The following MTFR1 variants were observed in gnomAD, a reference collection of about 807,000 sequenced individuals.
MTFR1 encodes the protein chondrocyte protein with a poly-proline region.
A neutral mutation model predicts 38.8 loss-of-function variants in MTFR1; 28 were observed. That is an observed-to-expected ratio of 0.72 (90% CI 0.53 to 0.99). The LOEUF (loss-of-function observed/expected upper bound fraction) is 0.99. MTFR1 is among the 50% of genes least tolerant of loss of function. The pLI, the probability that MTFR1 is intolerant of heterozygous loss-of-function variation, is 0.00. For synonymous variants in MTFR1, 145 were observed against 137.0 expected, an observed-to-expected ratio of 1.06 and a Z score of -0.41; for missense variants, 358 against 395.5, an observed-to-expected ratio of 0.91 and a Z score of 0.81.
At chr8:65,666,134 C>T (rs1386202662) in intron 1 of MTFR1, among the ~76,000 whole-genome samples, 2 of 152,214 alleles carry the variant, frequency 1.3e-5, no homozygotes, top group Non-Finnish European at 2.9e-5. Context: ...CAGCTGGGCA[C>T]AGTGCCTCAG....
At chr8:65,703,933 G>T (rs979208473) in intron 4 of MTFR1, among the ~76,000 whole-genome samples, 1 of 151,980 alleles carries the variant, frequency 6.6e-6, no homozygotes, top group African/African-American at 2.4e-5. Context: ...AAAAAATAAC[G>T]CAGGGCTCGG....
At chr8:65,689,994 T>G (rs1394923462) in intron 3 of MTFR1, among the ~76,000 whole-genome samples, 1 of 152,208 alleles carries the variant, frequency 6.6e-6, no homozygotes, top group Non-Finnish European at 1.5e-5. Context: ...ATGGACTTGG[T>G]ATCATTTGCC....
At chr8:65,763,638 G>A (rs986197273) in intron 3 of MTFR1, among the ~76,000 whole-genome samples, 2 of 152,170 alleles carry the variant, frequency 1.3e-5, no homozygotes, top group Non-Finnish European at 2.9e-5. Context: ...TGGGATGTGG[G>A]ATATGCTGGA....
chr8:65,664,932 A>AT (rs1804335360), intron 1 of MTFR1, among the ~76,000 whole-genome samples: 6 of 142,654 alleles, frequency 4.2e-5, no homozygotes, highest in South Asian at 2.5e-4. Flanking sequence ...TTTAAAAAAA[A>AT]ATTTTTTTTT....
chr8:65,662,146 G>C (rs932304974), intron 1 of MTFR1, among the ~76,000 whole-genome samples: 6 of 149,646 alleles, frequency 4.0e-5, no homozygotes, highest in African/African-American at 1.2e-4. Context: ...CTCTGATGCC[G>C]AGCGGAAGCT....
At chr8:65,707,805 A>G (rs1236560678) in intron 6 of MTFR1, 38 bp from the exon 7 acceptor site, 1 of 1,602,172 alleles carries the variant, frequency 6.2e-7, no homozygotes, top group Non-Finnish European at 8.5e-7. Flanking sequence ...TGGCCAGTGT[A>G]TTGATCTGTC....
intron 1 of MTFR1, among the ~76,000 whole-genome samples, chr8:65,651,622 T>A (rs1475467062): frequency 6.6e-6 from 1 of 152,170 alleles, no homozygotes; most frequent in African/African-American, 2.4e-5. Context: ...ACCTATGGAT[T>A]GATTTCTGGG....
intron 3 of MTFR1, chr8:65,747,607 A>C: frequency 7.5e-7 from 1 of 1,333,986 alleles, no homozygotes; most frequent in Non-Finnish European, 1.1e-6. Flanking sequence ...GGCCTTCAGT[A>C]AACTTATCAA....
intron 1 of MTFR1, among the ~76,000 whole-genome samples, chr8:65,647,245 G>A (rs1183877394): frequency 2.0e-5 from 3 of 152,182 alleles, no homozygotes; most frequent in African/African-American, 7.2e-5. Flanking sequence ...TATGAGGAAA[G>A]GACCAGACAG....
chr8:65,688,098 TAA>T (rs546722264), intron 3 of MTFR1, among the ~76,000 whole-genome samples: 149 of 120,814 alleles, frequency 1.2e-3, no homozygotes, highest in Admixed American at 1.5e-3. Flanking sequence ...AGACTCCGTC[TAA>T]AAAAAAAAAA....
chr8:65,691,951 G>T (rs192294040), intron 3 of MTFR1, among the ~76,000 whole-genome samples: 2 of 152,296 alleles, frequency 1.3e-5, no homozygotes, highest in East Asian at 3.9e-4. Flanking sequence ...TTTCAACAAT[G>T]TTAGTATTAT....
At chr8:65,651,358 T>C (rs1183745368) in intron 1 of MTFR1, among the ~76,000 whole-genome samples, 2 of 152,198 alleles carry the variant, frequency 1.3e-5, no homozygotes, top group Admixed American at 6.5e-5. Context: ...TGGGGTGCTA[T>C]TCAAGAAATC....
At position 65,709,111 on chromosome 8, in the gene MTFR1, G is replaced by C; in HGVS notation, c.*67G>C. 7.2e-6 allele frequency: 10 copies of C among 1,385,126 alleles called. No individual in the cohort carries two copies. Among genetic ancestry groups the C allele is most frequent in the Non-Finnish European group, 1.0e-5 (10 of 971,522 alleles). 85.8% of individuals were successfully genotyped at this position (1,385,126 alleles called of 1,614,324 possible). ...TTTGTGAGGGCCAAGTTTGCTAGTA[G>C]AAATCGACACTGTTTAGTAAATACC... is the stretch of plus-strand genomic sequence containing the variant. On this transcript the variant is annotated 3_prime_UTR_variant, in exon 8 of 8. Coordinates refer to ENST00000262146, the MANE Select transcript of MTFR1 (RefSeq NM_014637.4).
intron 1 of MTFR1, among the ~76,000 whole-genome samples, chr8:65,658,871 A>G (rs970122283): frequency 1.3e-5 from 2 of 152,170 alleles, no homozygotes; most frequent in South Asian, 4.1e-4. Flanking sequence ...AAAAGAGCTT[A>G]GAAAAATAGG....
chr8:65,693,481 A>G, intron 3 of MTFR1, among the ~76,000 whole-genome samples, 163 bp from the exon 4 acceptor site: 1 of 152,222 alleles, frequency 6.6e-6, no homozygotes, highest in Admixed American at 6.5e-5. Flanking sequence ...TTAGGCAACA[A>G]TATGATTATG....
At chr8:65,767,149 C>T (rs1258574884) in intron 3 of MTFR1, among the ~76,000 whole-genome samples, 1 of 152,176 alleles carries the variant, frequency 6.6e-6, no homozygotes, top group East Asian at 1.9e-4. Context: ...TTGTAGCCCT[C>T]AACACCAACA....
chr8:65,709,325 T>A lies in MTFR1; in HGVS notation c.*281T>A. The A allele has an allele frequency of 3.0e-6, 1 of 328,538 alleles. No individual in the cohort carries two copies. The allele number at this position is 328,538 out of a possible 1,614,324, so 20.4% of individuals were successfully genotyped here. A position where few individuals can be genotyped will look rare whatever the true frequency, so the allele number is the denominator to read the frequency against. ...AGTTTTGAAAACAATTGTATAGATT[T>A]CACAACACAAAAAGGACATTTGTGG... On this transcript the variant is annotated 3_prime_UTR_variant, in exon 8 of 8. Coordinates refer to ENST00000262146, the MANE Select transcript of MTFR1 (RefSeq NM_014637.4).
rs774066950 is a variant in MTFR1, at chr8:65,682,456, T to C, written c.165+5T>C. The C allele has an allele frequency of 7.8e-7, 1 of 1,275,792 alleles. No individual in the cohort carries two copies. The highest frequency in any genetic ancestry group is 2.8e-5 in the Admixed American group (1 of 36,210). 79.0% of individuals were successfully genotyped at this position (1,275,792 alleles called of 1,614,324 possible). ...TGTCCAAGAGTTCAGTTTCAGGTATTATATTTTATATATTTTAAGTATTTT... is the reference window on the plus strand; with the variant it reads ...TGTCCAAGAGTTCAGTTTCAGGTATCATATTTTATATATTTTAAGTATTTT... On this transcript the variant is annotated splice_donor_5th_base_variant and intron_variant, in intron 3 of 7. Transcript: ENST00000262146.
rs536393989 is a variant in MTFR1 at position 65,731,408 on chromosome 8, C to T, written c.*48+11927C>T. Among the ~76,000 whole-genome samples the T allele has an allele frequency of 2.0e-5, 3 of 152,208 alleles. No homozygotes were observed. The East Asian group carries it at 5.8e-4, about 29-fold the overall frequency. ...TGCTAGAGTGGGTTTATCTCTGGGA[C>T]ATGTAAGCGTAATTCTTATCCAGAC... On this transcript the variant is annotated intron_variant, in intron 3 of 3. Coordinates refer to the MTFR1 transcript ENST00000521247.
Sources: gnomAD v4.1 joint callset for allele counts (sites outside exome capture counted in the v4.1 genomes callset) on GRCh38, gnomAD v4.1.1 for gene constraint, MANE v1.5 for transcripts, NCBI Gene and HGNC (gene_info 2026-07-23, HGNC 2026-07-21) for gene names.